QTMAN: variants seen among roughly 807,000 people sequenced by gnomAD.
The protein encoded by QTMAN is queuosine-tRNA mannosyltransferase.
At chr2:144,231,785 G>A in the QTMAN span, among the ~76,000 whole-genome samples, 1 of 151,504 alleles carries the variant, frequency 6.6e-6, no homozygotes, top group Non-Finnish European at 1.5e-5. Flanking sequence ...TGTATTTAAA[G>A]TCACTGAATA....
chr2:144,273,075 AAAT>A, the QTMAN span, among the ~76,000 whole-genome samples: 2 of 152,220 alleles, frequency 1.3e-5, no homozygotes, highest in Non-Finnish European at 2.9e-5. Flanking sequence ...ATAAATTGAT[AAAT>A]AATCCAGTAT....
the QTMAN span, among the ~76,000 whole-genome samples, chr2:143,965,892 T>C: frequency 3.3e-5 from 5 of 152,204 alleles, no homozygotes; most frequent in African/African-American, 1.2e-4. Flanking sequence ...AGGACATAGT[T>C]GCTAGATGCG....
At chr2:144,306,283 T>C in the QTMAN span, among the ~76,000 whole-genome samples, 2 of 152,230 alleles carry the variant, frequency 1.3e-5, no homozygotes, top group Admixed American at 1.3e-4. Flanking sequence ...TACCAAAATC[T>C]GACAAAGACA....
At chr2:144,218,939 C>CAAAAAAAAAAAAAAAAAAAA in the QTMAN span, among the ~76,000 whole-genome samples, 3 of 104,242 alleles carry the variant, frequency 2.9e-5, no homozygotes, top group Admixed American at 9.2e-5. Flanking sequence ...AAAAAAAAAG[C>CAAAAAAAAAAAAAAAAAAAA]AAAATCCTAG....
the QTMAN span, among the ~76,000 whole-genome samples, chr2:143,963,444 A>G: frequency 1.3e-5 from 2 of 151,794 alleles, no homozygotes; most frequent in African/African-American, 4.8e-5. Flanking sequence ...TTAAATGTAT[A>G]TACAAGTTGT....
At chr2:144,318,326 G>A in the QTMAN span, among the ~76,000 whole-genome samples, 1 of 151,898 alleles carries the variant, frequency 6.6e-6, no homozygotes, top group African/African-American at 2.4e-5. Flanking sequence ...TCTCAAGGTA[G>A]TTCAATTATG....
At chr2:144,253,661 T>A in the QTMAN span, among the ~76,000 whole-genome samples, 1 of 151,808 alleles carries the variant, frequency 6.6e-6, no homozygotes, top group Non-Finnish European at 1.5e-5. Flanking sequence ...TTGAGTGAGA[T>A]GATCTGGGTA....
chr2:143,985,962 T>C, the QTMAN span, among the ~76,000 whole-genome samples: 1 of 152,140 alleles, frequency 6.6e-6, no homozygotes, highest in Non-Finnish European at 1.5e-5. Context: ...TTAAAGAAAT[T>C]AGTAGTTTAA....
the QTMAN span, among the ~76,000 whole-genome samples, chr2:144,227,777 T>C: frequency 6.6e-6 from 1 of 152,218 alleles, no homozygotes; most frequent in Non-Finnish European, 1.5e-5. Context: ...GTACAGCAGA[T>C]AACTTTAGAA....
At chr2:144,319,561 A>T in the QTMAN span, among the ~76,000 whole-genome samples, 3 of 151,388 alleles carry the variant, frequency 2.0e-5, no homozygotes, top group Admixed American at 6.6e-5. Context: ...TTTTTCATTT[A>T]TATATATATA....
the QTMAN span, among the ~76,000 whole-genome samples, chr2:143,982,027 C>T: frequency 1.3e-5 from 2 of 152,096 alleles, no homozygotes; most frequent in African/African-American, 4.8e-5. Context: ...GAACTAATCA[C>T]ATTAGGTTCT....
chr2:144,173,545 GC>G, the QTMAN span, among the ~76,000 whole-genome samples: 1 of 152,088 alleles, frequency 6.6e-6, no homozygotes, highest in Non-Finnish European at 1.5e-5. Context: ...AACCGTGTGA[GC>G]TTGACAGCAA....
the QTMAN span, among the ~76,000 whole-genome samples, chr2:144,329,331 T>C: frequency 1.3e-5 from 2 of 152,122 alleles, no homozygotes; most frequent in Admixed American, 1.3e-4. Flanking sequence ...TACACAGTGT[T>C]CTTCATGTAA....
At chr2:144,047,031 G>A in the QTMAN span, among the ~76,000 whole-genome samples, 4 of 152,200 alleles carry the variant, frequency 2.6e-5, no homozygotes. Context: ...AGCACTTTGG[G>A]AGTCTGAGGC....
the QTMAN span, among the ~76,000 whole-genome samples, chr2:144,134,458 A>G: frequency 2.6e-5 from 4 of 152,126 alleles, no homozygotes; most frequent in Non-Finnish European, 4.4e-5. Flanking sequence ...TCCCTCTTCA[A>G]TGTCAAAAAT....
the QTMAN span, among the ~76,000 whole-genome samples, chr2:143,955,193 C>T: frequency 6.6e-6 from 1 of 151,400 alleles, no homozygotes; most frequent in Non-Finnish European, 1.5e-5. Context: ...TTGTGTGATG[C>T]AAGGAGAAAA....
the QTMAN span, among the ~76,000 whole-genome samples, chr2:144,220,184 T>G: frequency 1.8e-3 from 281 of 152,330 alleles, 9 homozygotes; most frequent in East Asian, 0.052. Context: ...TGTATCACTA[T>G]TTTTAAATAT....
At chr2:144,039,244 A>G in the QTMAN span, among the ~76,000 whole-genome samples, 2 of 152,114 alleles carry the variant, frequency 1.3e-5, no homozygotes, top group African/African-American at 4.8e-5. Context: ...GTGCTTTGTG[A>G]ATATTCATTC....
chr2:143,989,205 C>T, the QTMAN span, among the ~76,000 whole-genome samples: 13 of 151,316 alleles, frequency 8.6e-5, no homozygotes, highest in South Asian at 2.1e-4. Context: ...TTTCTAGTTC[C>T]GACTCTATCT....
Sources: allele counts gnomAD v4.1 joint callset (sites outside exome capture counted in the v4.1 genomes callset), GRCh38; gene constraint gnomAD v4.1.1; transcripts MANE v1.5; gene names NCBI Gene and HGNC (gene_info 2026-07-23, HGNC 2026-07-21).